Variants in IL15RA observed in about 807,000 individuals in gnomAD.
The protein encoded by IL15RA is interleukin-15 receptor subunit alpha.
IL15RA carries 26 observed loss-of-function variants against 24.2 expected under a neutral mutation model. The observed-to-expected ratio is 1.07, with a 90% confidence interval of 0.79 to 1.49. The LOEUF (loss-of-function observed/expected upper bound fraction) is 1.49. Among genes scored for constraint, IL15RA ranks in the 40% most tolerant of loss-of-function variants. The pLI, the probability that IL15RA is intolerant of heterozygous loss-of-function variation, is 0.00. For synonymous variants in IL15RA, 166 were observed against 157.6 expected, an observed-to-expected ratio of 1.05 and a Z score of -0.40; for missense variants, 354 against 356.4, an observed-to-expected ratio of 0.99 and a Z score of 0.05.
intron 1 of IL15RA, 54 bp downstream of exon 1, chr10:5,977,351 C>T (rs989883069): frequency 7.9e-6 from 7 of 883,890 alleles, no homozygotes; most frequent in African/African-American, 7.0e-5. Context: ...TCCAGCTCCA[C>T]GTCCCGGCCC....
chr10:5,971,665 G>A lies in IL15RA; in HGVS notation c.89-5326C>T, dbSNP rs932905175. On this transcript the variant is annotated intron_variant, in intron 1 of 6. Transcript: ENST00000379977. The surrounding 1 kb of genome is among the most constrained non-coding windows in gnomAD (Gnocchi z 5.5). ...CCCTCAGGATGCTCACTGTGGAGCT[G>A]GTGTACGGAAAAGGCAAAGGCCTCT... Among the ~76,000 whole-genome samples the A allele has an allele frequency of 6.6e-6, 1 of 152,212 alleles. No homozygotes were observed. Among genetic ancestry groups the A allele is most frequent in the African/African-American group, 2.4e-5 (1 of 41,446 alleles).
At position 5,958,200 on chromosome 10, in the gene IL15RA, G is replaced by T. The variant is rs1421991532; in HGVS notation, c.616+1554C>A. The stretch of plus-strand genomic sequence containing the variant: ...TGGTTTTTGTGTCCTGATATGGGAG[G>T]ATCTACAAGGTATACCAGCAAGTGG... On this transcript the variant is annotated intron_variant, in intron 5 of 6. Coordinates refer to ENST00000379977, the MANE Select transcript of IL15RA (RefSeq NM_002189.4). The surrounding 1 kb of genome is among the most constrained non-coding windows in gnomAD (Gnocchi z 4.3). 7.9e-6 allele frequency: 3 copies of T among 382,052 alleles called. No individual in the cohort carries two copies. Among genetic ancestry groups the T allele is most frequent in the South Asian group, 5.6e-5 (3 of 53,676 alleles). 23.7% of individuals were successfully genotyped at this position (382,052 alleles called of 1,614,324 possible).
At position 5,955,596 on chromosome 10, in the gene IL15RA, T is replaced by G. The variant is rs375630485; in HGVS notation, c.692+783A>C. 6.6e-6 allele frequency among the ~76,000 whole-genome samples: 1 copy of G among 152,018 alleles called. No homozygotes were observed. The highest frequency in any genetic ancestry group is 1.9e-4 in the East Asian group (1 of 5,194). On this transcript the variant is annotated intron_variant, in intron 6 of 6. Transcript: ENST00000379977. The surrounding 1 kb of genome is among the most constrained non-coding windows in gnomAD (Gnocchi z 5.3). ...GGCTTTAATCAAAGAATAATAATACTGCCTAAAGATTAAAAAAATGAGAAA... is the reference window on the plus strand; with the variant it reads ...GGCTTTAATCAAAGAATAATAATACGGCCTAAAGATTAAAAAAATGAGAAA...
In IL15RA at chr10:5,965,830, C is replaced by T. The variant is rs1316984189; in HGVS notation, c.283+315G>A. On this transcript the variant is annotated intron_variant, in intron 2 of 6. Coordinates refer to ENST00000379977, the MANE Select transcript of IL15RA (RefSeq NM_002189.4). This position sits in a 1 kb window ranked among gnomAD's most constrained non-coding sequence, Gnocchi z 5.8. ...CTACCTCCCGGGTTCAAGCAATTCT[C>T]CTGCCTCAACCTCCCAAGTAGCTGG... Among the ~76,000 whole-genome samples the T allele has an allele frequency of 1.3e-5, 2 of 152,200 alleles. No homozygotes were observed. The highest frequency in any genetic ancestry group is 3.8e-4 in the East Asian group (2 of 5,202).
intron 1 of IL15RA, among the ~76,000 whole-genome samples, chr10:5,974,198 C>T (rs1458118524): frequency 6.6e-6 from 1 of 152,112 alleles, no homozygotes; most frequent in Non-Finnish European, 1.5e-5. Flanking sequence ...AGGGGTTTTA[C>T]CATGTTGACC....
chr10:5,951,500 C>A (rs1833876973), downstream of IL15RA, among the ~76,000 whole-genome samples: 1 of 152,172 alleles, frequency 6.6e-6, no homozygotes, highest in African/African-American at 2.4e-5. Context: ...TCCCCTCCCG[C>A]CCCACCTACA....
At position 5,963,617 on chromosome 10, in the gene IL15RA, C is replaced by T. The variant is rs536566343; in HGVS notation, c.382+126G>A. On this transcript the variant is annotated intron_variant, in intron 3 of 6. Coordinates refer to ENST00000379977, the MANE Select transcript of IL15RA (RefSeq NM_002189.4). This position sits in a 1 kb window ranked among gnomAD's most constrained non-coding sequence, Gnocchi z 5.3. Reference sequence around the variant, plus strand: ...CGTTCTTATTCTTGATTGAATAAGACGTTTGCGCTATTGCCTAAGTCTGCA... The same window carrying T: ...CGTTCTTATTCTTGATTGAATAAGATGTTTGCGCTATTGCCTAAGTCTGCA... 42 of 519,618 alleles carry T rather than the reference C, an allele frequency of 8.1e-5. No individual in the cohort carries two copies. The highest frequency in any genetic ancestry group is 1.2e-4 in the Non-Finnish European group (35 of 296,196). 32.2% of individuals were successfully genotyped at this position (519,618 alleles called of 1,614,324 possible).
At chr10:5,954,564 G>A (rs575436205) in intron 6 of IL15RA, among the ~76,000 whole-genome samples, 1 of 152,228 alleles carries the variant, frequency 6.6e-6, no homozygotes, top group South Asian at 2.1e-4. Context: ...AAAGTGCTGG[G>A]ATTACAGGCA....
intron 1 of IL15RA, among the ~76,000 whole-genome samples, chr10:5,969,135 C>G (rs1369086726): frequency 6.6e-6 from 1 of 152,044 alleles, no homozygotes; most frequent in Non-Finnish European, 1.5e-5. Context: ...TGTCATAGGT[C>G]TTAAAGTCAG....
downstream of IL15RA, among the ~76,000 whole-genome samples, chr10:5,949,778 T>TA (rs1244210822): frequency 6.6e-6 from 1 of 152,054 alleles, no homozygotes; most frequent in East Asian, 1.9e-4. The surrounding 1 kb of genome is among the most constrained non-coding windows in gnomAD (Gnocchi z 4.4). Flanking sequence ...TAAGTGGTTT[T>TA]AAAAAAGTGG....
intron 1 of IL15RA, among the ~76,000 whole-genome samples, chr10:5,972,590 C>A (rs966897323): frequency 6.6e-6 from 1 of 152,156 alleles, no homozygotes; most frequent in South Asian, 2.1e-4. Context: ...TTTCTTATTA[C>A]AAAACAATTC....
At position 5,959,813 on chromosome 10, in the gene IL15RA, G is replaced by A. The variant is rs764733517; in HGVS notation, c.584-27C>T. 4.9e-5 allele frequency: 79 copies of A among 1,612,530 alleles called. No individual in the cohort carries two copies. Among genetic ancestry groups the A allele is most frequent in the Middle Eastern group, 3.3e-4 (2 of 6,080 alleles). ...TGCGGAAAAGAGAGGACAGCATCAC[G>A]GCTCGAGTCCTAGAGGTCCTAGTTC... On this transcript the variant is annotated intron_variant, in intron 4 of 6. Coordinates refer to ENST00000379977, the MANE Select transcript of IL15RA (RefSeq NM_002189.4). This position sits in a 1 kb window ranked among gnomAD's most constrained non-coding sequence, Gnocchi z 4.1.
rs190440378 is a variant in IL15RA, at chr10:5,965,016, G to A, written c.283+1129C>T. Among the ~76,000 whole-genome samples the A allele has an allele frequency of 3.1e-4, 47 of 152,292 alleles. No homozygotes were observed. In the East Asian group the frequency reaches 5.0e-3, roughly 16 times the overall value. On this transcript the variant is annotated intron_variant, in intron 2 of 6. Transcript: ENST00000379977. This position sits in a 1 kb window ranked among gnomAD's most constrained non-coding sequence, Gnocchi z 5.8. ...TACCAAGCCAGTGGCAATGTCCAGC[G>A]CCTCAAGGAGCTCCCCTCTGTCCCC...
rs1432782486 is a variant in IL15RA, at chr10:5,967,212, C to A, written c.89-873G>T. Among the ~76,000 whole-genome samples the A allele has an allele frequency of 1.3e-5, 2 of 151,952 alleles. No homozygotes were observed. Among genetic ancestry groups the A allele is most frequent in the Non-Finnish European group, 1.5e-5 (1 of 68,006 alleles). On this transcript the variant is annotated intron_variant, in intron 1 of 6. Transcript: ENST00000379977. The surrounding 1 kb of genome is among the most constrained non-coding windows in gnomAD (Gnocchi z 4.4). Reference sequence around the variant, plus strand: ...CCTTACCTTGCCTTACCTTGCCTTGCCTTTCTTTTTTGAGACGGAGTTTCA... The same window carrying A: ...CCTTACCTTGCCTTACCTTGCCTTGACTTTCTTTTTTGAGACGGAGTTTCA...
chr10:5,967,140 T>C lies in IL15RA; in HGVS notation c.89-801A>G, dbSNP rs1234820322. 6.6e-6 allele frequency among the ~76,000 whole-genome samples: 1 copy of C among 152,252 alleles called. No individual in the cohort carries two copies. Among genetic ancestry groups the C allele is most frequent in the Non-Finnish European group, 1.5e-5 (1 of 68,044 alleles). ...CCCTTGTGTGTGCACATGTGTGTGT[T>C]AGCTTGGCAGTACTTGCAAGATCGG... On this transcript the variant is annotated intron_variant, in intron 1 of 6. Transcript: ENST00000379977. This position sits in a 1 kb window ranked among gnomAD's most constrained non-coding sequence, Gnocchi z 4.4.
rs1004914265 is a variant in IL15RA at position 5,961,789 on chromosome 10, C to T, written c.383-1222G>A. Among the ~76,000 whole-genome samples, 2 of 152,234 alleles carry T rather than the reference C, an allele frequency of 1.3e-5. No homozygotes were observed. Among genetic ancestry groups the T allele is most frequent in the African/African-American group, 2.4e-5 (1 of 41,462 alleles). ...TGTGACAGCCACGGAATCTAGGAAACGTGAGGCCAAGCGCTGTGGCTCTCT... is the reference window on the plus strand; with the variant it reads ...TGTGACAGCCACGGAATCTAGGAAATGTGAGGCCAAGCGCTGTGGCTCTCT... On this transcript the variant is annotated intron_variant, in intron 3 of 6. Coordinates refer to ENST00000379977, the MANE Select transcript of IL15RA (RefSeq NM_002189.4). This position sits in a 1 kb window ranked among gnomAD's most constrained non-coding sequence, Gnocchi z 5.2.
At position 5,966,565 on chromosome 10, in the gene IL15RA, G is replaced by C. The variant is rs1836578130; in HGVS notation, c.89-226C>G. Among the ~76,000 whole-genome samples, 1 of 151,980 alleles carries C rather than the reference G, an allele frequency of 6.6e-6. No homozygotes were observed. Among genetic ancestry groups the C allele is most frequent in the African/African-American group, 2.4e-5 (1 of 41,354 alleles). On this transcript the variant is annotated intron_variant, in intron 1 of 6. Coordinates refer to ENST00000379977, the MANE Select transcript of IL15RA (RefSeq NM_002189.4). The surrounding 1 kb of genome is among the most constrained non-coding windows in gnomAD (Gnocchi z 6.4). ...TCAGCCAGCAAAACTACAGATGAGG[G>C]CGTGGGGAGAGGGTCATCGATGAAA... is the stretch of plus-strand genomic sequence containing the variant.
Position 5,959,843 on chromosome 10 carries a change from T to C in IL15RA, c.584-57A>G. 5 of 1,562,976 alleles carry C rather than the reference T, an allele frequency of 3.2e-6. No individual in the cohort carries two copies. Among genetic ancestry groups the C allele is most frequent in the Non-Finnish European group, 4.4e-6 (5 of 1,135,414 alleles). ...GAGTCCTAGAGGTCCTAGTTCCTCA[T>C]GAAGCAGGAGAAAATCTGCATGGCT... is the stretch of plus-strand genomic sequence containing the variant. On this transcript the variant is annotated intron_variant, in intron 4 of 6. Transcript: ENST00000379977. This position sits in a 1 kb window ranked among gnomAD's most constrained non-coding sequence, Gnocchi z 4.1.
At chr10:5,972,968 T>G (rs1469102761) in intron 1 of IL15RA, among the ~76,000 whole-genome samples, 1 of 152,084 alleles carries the variant, frequency 6.6e-6, no homozygotes, top group Non-Finnish European at 1.5e-5. Flanking sequence ...TAAAGACACA[T>G]GAAAAGTTGT....
Sources: gnomAD v4.1 joint callset for allele counts (sites outside exome capture counted in the v4.1 genomes callset) on GRCh38, gnomAD v4.1.1 for gene constraint, Gnocchi (gnomAD v3.1) non-coding constraint, MANE v1.5 for transcripts, NCBI Gene and HGNC (gene_info 2026-07-23, HGNC 2026-07-21) for gene names.